TGFBR3: variants seen among roughly 807,000 people sequenced by gnomAD.
TGFBR3 encodes transforming growth factor beta receptor type 3.
TGFBR3 carries 46 observed loss-of-function variants against 87.9 expected under a neutral mutation model. The ratio of observed to expected loss-of-function variants is 0.52; its 90% CI spans 0.41 to 0.67. The LOEUF is 0.67. Ranked by LOEUF, TGFBR3 falls within the 30% of genes least tolerant of loss-of-function variation. The pLI is 0.00. For synonymous variants in TGFBR3, 381 were observed against 391.6 expected, an observed-to-expected ratio of 0.97 and a Z score of 0.32; for missense variants, 866 against 1,041.9, an observed-to-expected ratio of 0.83 and a Z score of 2.32.
chr1:91,695,384 C>G (rs1555889), intron 16 of TGFBR3: 1 of 400,028 alleles, frequency 2.5e-6, no homozygotes, highest in Non-Finnish European at 4.7e-6. Flanking sequence ...TATTTCTGTA[C>G]GTTGTCTGCA....
chr1:91,690,628 G>A (rs1053728756), intron 16 of TGFBR3, among the ~76,000 whole-genome samples: 8 of 152,100 alleles, frequency 5.3e-5, no homozygotes, highest in South Asian at 2.1e-4. Context: ...TACCCTGGCC[G>A]GGAAGTCTGG....
chr1:91,800,324 G>GTGTC (rs1675566194), intron 2 of TGFBR3, among the ~76,000 whole-genome samples: 1 of 95,412 alleles, frequency 1.0e-5, no homozygotes. Context: ...GTATATATAT[G>GTGTC]TGTATATGTG....
At chr1:91,872,244 C>T (rs1004645737) in intron 1 of TGFBR3, among the ~76,000 whole-genome samples, 1 of 152,162 alleles carries the variant, frequency 6.6e-6, no homozygotes, top group African/African-American at 2.4e-5. Flanking sequence ...CTTCATTCCA[C>T]ATAATCCCTA....
rs145215582 is a variant in TGFBR3, at chr1:91,882,613, C to T, written c.-114+3265G>A. 3.4e-3 allele frequency among the ~76,000 whole-genome samples: 519 copies of T among 152,086 alleles called. 3 individuals are homozygous for T. Among genetic ancestry groups the T allele is most frequent in the South Asian group, 0.014 (69 of 4,812 alleles). ...CAAAAAAATTAGCCGGGCATGGTGGCGAGTGCCTGTAGTTACAGCTGCTGG... is the reference window on the plus strand; with the variant it reads ...CAAAAAAATTAGCCGGGCATGGTGGTGAGTGCCTGTAGTTACAGCTGCTGG... On this transcript the variant is annotated intron_variant, in intron 1 of 16. Transcript: ENST00000212355.
chr1:91,825,600 T>C (rs943948159), intron 2 of TGFBR3, among the ~76,000 whole-genome samples: 11 of 152,222 alleles, frequency 7.2e-5, no homozygotes, highest in East Asian at 5.8e-4. Context: ...TTAAAAATGA[T>C]TGTACACTTT....
intron 7 of TGFBR3, among the ~76,000 whole-genome samples, chr1:91,724,260 G>C (rs1477681375): frequency 6.6e-6 from 1 of 152,104 alleles, no homozygotes; most frequent in African/African-American, 2.4e-5. Context: ...GAAGGAAAGA[G>C]CTAAAATGAG....
At chr1:91,829,205 G>A (rs1164676771) in intron 2 of TGFBR3, among the ~76,000 whole-genome samples, 11 of 151,806 alleles carry the variant, frequency 7.2e-5, no homozygotes, top group East Asian at 1.9e-4. Context: ...GTGAAACCCC[G>A]TCTCTTCTAA....
At chr1:91,708,116 T>G (rs1427285174) in intron 14 of TGFBR3, among the ~76,000 whole-genome samples, 1 of 152,236 alleles carries the variant, frequency 6.6e-6, no homozygotes, top group Non-Finnish European at 1.5e-5. Context: ...AGAGGCATGC[T>G]TGGCTCCAAG....
At chr1:91,779,897 T>C (rs4658114) in intron 3 of TGFBR3, among the ~76,000 whole-genome samples, 44,190 of 152,036 alleles carry the variant, frequency 0.29, 6,754 homozygotes, top group Middle Eastern at 0.46. Context: ...CAGAGCCACA[T>C]GCCCTCCAGA....
In TGFBR3 at chr1:91,682,501, A is replaced by G. The variant is rs564763331; in HGVS notation, c.*1238T>C. The G allele has an allele frequency of 2.2e-6, 1 of 452,366 alleles. No homozygotes were observed. The highest frequency in any genetic ancestry group is 2.0e-5 in the African/African-American group (1 of 49,464). The allele number at this position is 452,366 out of a possible 1,614,324, so 28.0% of individuals were successfully genotyped here. A position where few individuals can be genotyped will look rare whatever the true frequency, so the allele number is the denominator to read the frequency against. On this transcript the variant is annotated 3_prime_UTR_variant, in exon 17 of 17. Coordinates refer to ENST00000212355, the MANE Select transcript of TGFBR3 (RefSeq NM_003243.5). ...ATTCCATTTAATGAAATTCACCTCA[A>G]GCCCTTTTTGACATATTAAATATAT...
At chr1:91,806,201 C>T (rs1000154770) in intron 2 of TGFBR3, among the ~76,000 whole-genome samples, 10 of 152,148 alleles carry the variant, frequency 6.6e-5, no homozygotes, top group Non-Finnish European at 1.5e-4. Flanking sequence ...CCTAAGATCT[C>T]GCTATAACAT....
chr1:91,694,773 T>C (rs1216957394), intron 16 of TGFBR3, among the ~76,000 whole-genome samples: 1 of 152,128 alleles, frequency 6.6e-6, no homozygotes, highest in Non-Finnish European at 1.5e-5. Flanking sequence ...TCTAGCACAG[T>C]TTATCTAGGT....
rs1380625220 is a variant in TGFBR3 at position 91,682,387 on chromosome 1, A to T, written c.*1352T>A. ...CAGCAGTAAAATAATTTAGCATGAT[A>T]ATTCCCCCCTGGCATTCTTTTTTTT... On this transcript the variant is annotated 3_prime_UTR_variant, in exon 17 of 17. Transcript: ENST00000212355. 2.3e-6 allele frequency: 1 copy of T among 442,392 alleles called. No homozygotes were observed. 27.4% of individuals were successfully genotyped at this position (442,392 alleles called of 1,614,324 possible). A position where few individuals can be genotyped will look rare whatever the true frequency, so the allele number is the denominator to read the frequency against.
intron 16 of TGFBR3, among the ~76,000 whole-genome samples, chr1:91,694,288 T>A (rs1190625834): frequency 6.6e-6 from 1 of 152,230 alleles, no homozygotes; most frequent in Non-Finnish European, 1.5e-5. Context: ...TTTTTTAATC[T>A]TTCACGTAAA....
intron 14 of TGFBR3, among the ~76,000 whole-genome samples, chr1:91,698,513 CTTTTT>C (rs35919369): frequency 1.7e-5 from 2 of 120,734 alleles, no homozygotes; most frequent in Admixed American, 8.5e-5. Flanking sequence ...TCAAAATATT[CTTTTT>C]TTTTTTTTTT....
chr1:91,794,352 C>T (rs980613687), intron 3 of TGFBR3, among the ~76,000 whole-genome samples: 4 of 151,974 alleles, frequency 2.6e-5, no homozygotes, highest in Non-Finnish European at 5.9e-5. Context: ...TACAGGCACC[C>T]GCCACCATGC....
At chr1:91,823,134 T>C (rs1676511568) in intron 2 of TGFBR3, among the ~76,000 whole-genome samples, 1 of 152,094 alleles carries the variant, frequency 6.6e-6, no homozygotes, top group African/African-American at 2.4e-5. Flanking sequence ...TAAGGGAGCC[T>C]GGAGGGGGAG....
At chr1:91,807,675 G>T (rs1229650850) in intron 2 of TGFBR3, among the ~76,000 whole-genome samples, 1 of 152,222 alleles carries the variant, frequency 6.6e-6, no homozygotes, top group Non-Finnish European at 1.5e-5. Context: ...CGTGCCAACA[G>T]AGGGGGATTT....
rs143662767 is a variant in TGFBR3 at position 91,744,967 on chromosome 1, C to G, written c.385-10008G>C. Among the ~76,000 whole-genome samples, 1,090 of 152,150 alleles carry G rather than the reference C, an allele frequency of 7.2e-3. 4 individuals are homozygous for G. Among genetic ancestry groups the G allele is most frequent in the Non-Finnish European group, 0.013 (855 of 68,004 alleles). On this transcript the variant is annotated intron_variant, in intron 4 of 16. Transcript: ENST00000212355. ...TAGCTCCCCAATGATAATGAAAAAG[C>G]CTGTTGAGATCTCAGAGGAAATCTG...
Sources: gnomAD v4.1 joint callset for allele counts (sites outside exome capture counted in the v4.1 genomes callset) on GRCh38, gnomAD v4.1.1 for gene constraint, MANE v1.5 for transcripts, NCBI Gene and HGNC (gene_info 2026-07-23, HGNC 2026-07-21) for gene names.